The following CAND2 variants were observed in gnomAD, a reference collection of about 807,000 sequenced individuals.
CAND2 encodes the protein cullin associated and neddylation dissociated 2 (putative), also known as cullin-associated NEDD8-dissociated protein 2.
In CAND2, 62 loss-of-function variants were observed where a neutral mutation model predicts 98.9. That is an observed-to-expected ratio of 0.63 (90% CI 0.51 to 0.77). The LOEUF (loss-of-function observed/expected upper bound fraction) is 0.77, where lower values mean the gene tolerates loss of function less well. CAND2 is among the 30% of genes least tolerant of loss of function. The pLI is 0.00. For missense variants in CAND2, 1,501 were observed against 1,655.2 expected (o/e 0.91, Z 1.62); for synonymous variants, 770 against 731.9 (o/e 1.05, Z -0.84).
rs1185284384 is a variant in CAND2, at chr3:12,827,541, G to A, written c.3312G>A (p.Gln1104=). 11 of 1,614,084 alleles carry A rather than the reference G, an allele frequency of 6.8e-6. No individual in the cohort carries two copies. Among genetic ancestry groups the A allele is most frequent in the Non-Finnish European group, 9.3e-6 (11 of 1,180,008 alleles). ...MYSLLESCLG[Q]LDICEFLNHV... ...CACTGCTTGAGAGCTGCCTGGGCCAGCTGGATATCTGTGAGTTCCTGAACC... is the reference window on the plus strand; with the variant it reads ...CACTGCTTGAGAGCTGCCTGGGCCAACTGGATATCTGTGAGTTCCTGAACC... Residue 1104 remains glutamine, a synonymous_variant, in exon 13 of 15, where the codon CAG becomes CAA. Transcript: ENST00000456430.
At chr3:12,808,461 C>G in intron 4 of CAND2, 128 bp downstream of exon 4, 1 of 1,058,190 alleles carries the variant, frequency 9.5e-7, no homozygotes, top group Non-Finnish European at 1.4e-6. Context: ...ATCCCAGCAG[C>G]CTCGTAAAGG....
intron 1 of CAND2, among the ~76,000 whole-genome samples, chr3:12,800,122 C>T (rs921287644): frequency 6.6e-5 from 10 of 152,200 alleles, no homozygotes; most frequent in African/African-American, 2.4e-4. Context: ...TGGCCTGGCT[C>T]AAATCCAAAC....
At chr3:12,813,903 CCTGT>C (rs1475574433) in intron 7 of CAND2, among the ~76,000 whole-genome samples, 1 of 152,204 alleles carries the variant, frequency 6.6e-6, no homozygotes, top group African/African-American at 2.4e-5. Flanking sequence ...TGCCTGTGGT[CCTGT>C]CTGTCATTCA....
In CAND2 at chr3:12,820,102, G is replaced by C. The variant is rs979227092; in HGVS notation, c.2961G>C (p.Arg987=). ...KQLAAGRPHT[R]STVITAVKFL... ...GTCCTGCAGGTCGGCCACACACCCG[G>C]AGCACCGTCATCACAGCGGTCAAGT... Residue 987 remains arginine, a synonymous_variant, in exon 11 of 15, where the codon CGG becomes CGC. Transcript: ENST00000456430. 1 of 1,614,082 alleles carries C rather than the reference G, an allele frequency of 6.2e-7. No homozygotes were observed. The highest frequency in any genetic ancestry group is 8.5e-7 in the Non-Finnish European group (1 of 1,179,990).
At chr3:12,825,227 T>A (rs1301561508) in intron 11 of CAND2, among the ~76,000 whole-genome samples, 1 of 152,082 alleles carries the variant, frequency 6.6e-6, no homozygotes, top group Non-Finnish European at 1.5e-5. Flanking sequence ...ACATTGAGGC[T>A]CTCCAAGGTC....
intron 13 of CAND2, 27 bp from the exon 14 acceptor site, chr3:12,831,438 T>C: frequency 6.3e-7 from 1 of 1,593,614 alleles, no homozygotes; most frequent in Non-Finnish European, 8.6e-7. Flanking sequence ...ACCATTTCAC[T>C]AAGAACCATC....
chr3:12,808,371 T>C, intron 4 of CAND2, 38 bp downstream of exon 4: 2 of 1,548,780 alleles, frequency 1.3e-6, no homozygotes, highest in Admixed American at 3.9e-5. Context: ...GAAGAGTGGG[T>C]AAAAGGGGAC....
chr3:12,808,513 GC>G (rs545444024), intron 4 of CAND2, among the ~76,000 whole-genome samples, 180 bp downstream of exon 4: 1 of 152,194 alleles, frequency 6.6e-6, no homozygotes, highest in Non-Finnish European at 1.5e-5. Flanking sequence ...GAGAGATGAT[GC>G]GGTCAGTAAA....
rs115338173 is a variant in CAND2, at chr3:12,811,514, G to A, written c.757+1190G>A. On this transcript the variant is annotated intron_variant, in intron 5 of 14. Coordinates refer to ENST00000456430, the MANE Select transcript of CAND2 (RefSeq NM_001162499.2). Reference sequence around the variant, plus strand: ...GAAATTAGGCCAGGACATGAATAATGGTTTTGATAACAGATGCTATTTATC... The same window carrying A: ...GAAATTAGGCCAGGACATGAATAATAGTTTTGATAACAGATGCTATTTATC... 7.9e-3 allele frequency among the ~76,000 whole-genome samples: 1,207 copies of A among 152,312 alleles called. 10 individuals carry two copies. Among genetic ancestry groups the A allele is most frequent in the African/African-American group, 0.027 (1,128 of 41,574 alleles).
intron 3 of CAND2, 71 bp downstream of exon 3, chr3:12,807,531 A>C (rs867658835): frequency 2.1e-6 from 3 of 1,398,260 alleles, no homozygotes; most frequent in East Asian, 5.0e-5. Flanking sequence ...AAACGAAAAA[A>C]CAAAAAAAAA....
intron 13 of CAND2, among the ~76,000 whole-genome samples, chr3:12,830,767 T>C (rs1462683989): frequency 6.6e-6 from 1 of 152,196 alleles, no homozygotes; most frequent in Non-Finnish European, 1.5e-5. Context: ...CACAGGGTCA[T>C]GGAGTAGCCA....
At chr3:12,823,902 A>C (rs994353279) in intron 11 of CAND2, among the ~76,000 whole-genome samples, 5 of 152,270 alleles carry the variant, frequency 3.3e-5, no homozygotes, top group Admixed American at 3.3e-4. Flanking sequence ...CTTTTGACTC[A>C]AACAAAAAAA....
chr3:12,808,751 C>T (rs746904785), intron 4 of CAND2, among the ~76,000 whole-genome samples: 1 of 152,160 alleles, frequency 6.6e-6, no homozygotes, highest in Non-Finnish European at 1.5e-5. Context: ...AAAGAGAGTG[C>T]TGCTAGAGCT....
chr3:12,834,279 C>G lies in CAND2; in HGVS notation c.*297C>G, dbSNP rs910490221. The G allele has an allele frequency of 5.2e-6, 2 of 385,780 alleles. No homozygotes were observed. Among genetic ancestry groups the G allele is most frequent in the African/African-American group, 2.0e-5 (1 of 50,244 alleles). 23.9% of individuals were successfully genotyped at this position (385,780 alleles called of 1,614,324 possible). A position where few individuals can be genotyped will look rare whatever the true frequency, so the allele number is the denominator to read the frequency against. Reference sequence around the variant, plus strand: ...CACACTGTACCCCTCCATAGTCTGTCTGGTTCCTTCAGAGGGTGTCTCTGC... The same window carrying G: ...CACACTGTACCCCTCCATAGTCTGTGTGGTTCCTTCAGAGGGTGTCTCTGC... On this transcript the variant is annotated 3_prime_UTR_variant, in exon 15 of 15. Coordinates refer to ENST00000456430, the MANE Select transcript of CAND2 (RefSeq NM_001162499.2).
intron 12 of CAND2, among the ~76,000 whole-genome samples, chr3:12,826,241 C>T (rs968790021): frequency 4.6e-5 from 7 of 152,194 alleles, no homozygotes; most frequent in African/African-American, 1.2e-4. Flanking sequence ...GGAGCAGCTG[C>T]GTTTCACTTA....
At position 12,810,076 on chromosome 3, in the gene CAND2, G is replaced by A; in HGVS notation, c.509G>A (p.Gly170Asp). 7.0e-7 allele frequency: 1 copy of A among 1,432,872 alleles called. No homozygotes were observed. The highest frequency in any genetic ancestry group is 2.9e-5 in the East Asian group (1 of 34,706). 88.8% of individuals were successfully genotyped at this position (1,432,872 alleles called of 1,614,324 possible). ...DMLSRLGVPL[G>D]AFHASLLHCL... ...CTCCCCAGGCTGGGTGTCCCGCTGGGCGCCTTCCACGCCAGCCTCCTGCAC... is the reference window on the plus strand; with the variant it reads ...CTCCCCAGGCTGGGTGTCCCGCTGGACGCCTTCCACGCCAGCCTCCTGCAC... Residue 170 changes from glycine (G) to aspartate (D), a missense_variant, in exon 5 of 15, where the codon GGC (glycine) becomes GAC (aspartate). Around this residue, in one of 3 missense-constraint regions of CAND2, gnomAD observed 1,427 missense variants for 1,545.3 expected, o/e 0.92. Transcript: ENST00000456430.
intron 4 of CAND2, chr3:12,809,817 C>T (rs1414811674): frequency 2.0e-5 from 9 of 449,518 alleles, no homozygotes; most frequent in Non-Finnish European, 1.9e-5. Flanking sequence ...TCAGGTCTTT[C>T]TCCCTAGGCT....
In CAND2 at chr3:12,831,378, T is replaced by G. The variant is rs9814191; in HGVS notation, c.3376-87T>G. The G allele has an allele frequency of 0.13, 135,324 of 1,018,938 alleles. 11,152 individuals carry two copies. The highest frequency in any genetic ancestry group is 0.35 in the African/African-American group (22,130 of 63,160). 63.1% of individuals were successfully genotyped at this position (1,018,938 alleles called of 1,614,324 possible). ...TCTGAACTTGGGCTTCAGGTTTCAGTTGTGGGGCCTCTGCTCTTTCCCAGG... is the reference window on the plus strand; with the variant it reads ...TCTGAACTTGGGCTTCAGGTTTCAGGTGTGGGGCCTCTGCTCTTTCCCAGG... On this transcript the variant is annotated intron_variant, in intron 13 of 14. Transcript: ENST00000456430.
rs2062081272 is a variant in CAND2 at position 12,834,272 on chromosome 3, AGTCT to A, written c.*296_*299del. ...GTGACTTCACACTGTACCCCTCCAT[AGTCT>A]GTCTGGTTCCTTCAGAGGGTGTCTC... On this transcript the variant is annotated 3_prime_UTR_variant, in exon 15 of 15. Coordinates refer to ENST00000456430, the MANE Select transcript of CAND2 (RefSeq NM_001162499.2). The A allele has an allele frequency of 4.8e-6, 2 of 414,920 alleles. No individual in the cohort carries two copies. The highest frequency in any genetic ancestry group is 7.0e-4 in the Middle Eastern group (1 of 1,430). 25.7% of individuals were successfully genotyped at this position (414,920 alleles called of 1,614,324 possible). A position where few individuals can be genotyped will look rare whatever the true frequency, so the allele number is the denominator to read the frequency against.
Sources: gnomAD v4.1 joint callset for allele counts (sites outside exome capture counted in the v4.1 genomes callset) on GRCh38, gnomAD v4.1.1 for gene constraint, gnomAD v4.1.1 regional missense constraint, MANE v1.5 for transcripts, NCBI Gene and HGNC (gene_info 2026-07-23, HGNC 2026-07-21) for gene names.